Variants in MAPK8IP3 observed in about 807,000 individuals in gnomAD.
The protein encoded by MAPK8IP3 is C-Jun-amino-terminal kinase-interacting protein 3.
MAPK8IP3 carries 49 observed loss-of-function variants against 157.8 expected under a neutral mutation model. The ratio of observed to expected loss-of-function variants is 0.31; its 90% CI spans 0.25 to 0.39. The LOEUF is 0.39. MAPK8IP3 is among the 10% of genes least tolerant of loss of function. The pLI is 1.00. For missense variants in MAPK8IP3, 1,478 were observed against 1,889.4 expected, an observed-to-expected ratio of 0.78 and a Z score of 4.04; for synonymous variants, 897 against 777.7, an observed-to-expected ratio of 1.15 and a Z score of -2.55.
intron 2 of MAPK8IP3, among the ~76,000 whole-genome samples, chr16:1,726,468 A>G (rs1567148965): frequency 6.6e-6 from 1 of 152,128 alleles, no homozygotes; most frequent in Non-Finnish European, 1.5e-5. Flanking sequence ...TGAGCTCAAG[A>G]GTTCAAGACC....
At position 1,766,789 on chromosome 16, in the gene MAPK8IP3, T is replaced by C; in HGVS notation, c.3006T>C (p.Ser1002=). The change falls in exon 24 of 32, where the codon TCT becomes TCC. Residue 1002 remains serine, a synonymous_variant. Coordinates refer to ENST00000610761, the MANE Select transcript of MAPK8IP3 (RefSeq NM_001318852.2). Reference sequence around the variant, plus strand: ...TGCACTCCATCAAGCTGAAGGATTCTGTGCTGAGCCTGGTGTGGGTGACCC... The same window carrying C: ...TGCACTCCATCAAGCTGAAGGATTCCGTGCTGAGCCTGGTGTGGGTGACCC... ...KCLHSIKLKD[S]VLSLVHVKGR... is the part of the protein sequence containing the mutation. The C allele has an allele frequency of 6.2e-7, 1 of 1,612,788 alleles. No individual in the cohort carries two copies. Among genetic ancestry groups the C allele is most frequent in the Non-Finnish European group, 8.5e-7 (1 of 1,179,934 alleles).
At chr16:1,735,930 G>A (rs560172618) in intron 4 of MAPK8IP3, among the ~76,000 whole-genome samples, 27 of 142,228 alleles carry the variant, frequency 1.9e-4, no homozygotes, top group Admixed American at 1.8e-3. Flanking sequence ...GTGAGCATCC[G>A]TGTGACCGTC....
intron 1 of MAPK8IP3, among the ~76,000 whole-genome samples, chr16:1,716,219 A>G (rs535262682): frequency 1.3e-5 from 2 of 152,210 alleles, no homozygotes; most frequent in East Asian, 1.9e-4. Flanking sequence ...TTGTTTACAT[A>G]TAAAAGGAAG....
intron 4 of MAPK8IP3, among the ~76,000 whole-genome samples, chr16:1,736,971 ACCGTCC>A (rs2039966460): frequency 1.5e-5 from 1 of 67,562 alleles, no homozygotes; most frequent in Non-Finnish European, 2.7e-5. Flanking sequence ...CGTCCGTGTG[ACCGTCC>A]GTGTGAGCAT....
chr16:1,768,679 G>A (rs2072989), intron 31 of MAPK8IP3, 24 bp from the exon 32 acceptor site: 4 of 1,611,682 alleles, frequency 2.5e-6, no homozygotes, highest in South Asian at 2.2e-5. Context: ...GAGCCTGGCC[G>A]TCACTCTGCT....
Position 1,706,311 on chromosome 16 carries a change from G to T in MAPK8IP3, c.-29G>T. On this transcript the variant is annotated 5_prime_UTR_variant, in exon 1 of 32. Coordinates refer to ENST00000610761, the MANE Select transcript of MAPK8IP3 (RefSeq NM_001318852.2). The surrounding 1 kb of genome is among the most constrained non-coding windows in gnomAD (Gnocchi z 5.1). ...GGGCCGGGCGCGCCGGCCGGATAGC[G>T]AGCCGCGCTGGCGGCGGCGGTGGCC... The T allele has an allele frequency of 1.3e-6, 2 of 1,520,910 alleles. No homozygotes were observed. The highest frequency in any genetic ancestry group is 1.2e-5 in the South Asian group (1 of 81,834). The allele number at this position is 1,520,910 out of a possible 1,614,324, so 94.2% of individuals were successfully genotyped here. A position where few individuals can be genotyped will look rare whatever the true frequency, so the allele number is the denominator to read the frequency against.
chr16:1,748,218 C>T, intron 6 of MAPK8IP3, 26 bp from the exon 7 acceptor site: 1 of 1,573,592 alleles, frequency 6.4e-7, no homozygotes. Flanking sequence ...TCTCCTGACC[C>T]CAGGTGCCCC....
chr16:1,754,822 A>G (rs1024392022), intron 8 of MAPK8IP3, among the ~76,000 whole-genome samples: 1 of 152,178 alleles, frequency 6.6e-6, no homozygotes, highest in African/African-American at 2.4e-5. Flanking sequence ...AAGCCTGTGT[A>G]AGATTCAGAA....
rs925364628 is a variant in MAPK8IP3 at position 1,741,554 on chromosome 16, C to A, written c.603-1778C>A. Among the ~76,000 whole-genome samples, 1 of 152,128 alleles carries A rather than the reference C, an allele frequency of 6.6e-6. No individual in the cohort carries two copies. Among genetic ancestry groups the A allele is most frequent in the African/African-American group, 2.4e-5 (1 of 41,408 alleles). On this transcript the variant is annotated intron_variant, in intron 4 of 31. Coordinates refer to ENST00000610761, the MANE Select transcript of MAPK8IP3 (RefSeq NM_001318852.2). This position sits in a 1 kb window ranked among gnomAD's most constrained non-coding sequence, Gnocchi z 6.9. ...ATCGGCTTCGGTCTAGGGACTGAGACGTGTCTGATGGCGTCAGAACTGGGC... is the reference window on the plus strand; with the variant it reads ...ATCGGCTTCGGTCTAGGGACTGAGAAGTGTCTGATGGCGTCAGAACTGGGC...
Position 1,729,227 on chromosome 16 carries a change from G to C in MAPK8IP3, c.510+19G>C. 1 of 1,613,542 alleles carries C rather than the reference G, an allele frequency of 6.2e-7. No individual in the cohort carries two copies. Among genetic ancestry groups the C allele is most frequent in the Non-Finnish European group, 8.5e-7 (1 of 1,179,898 alleles). ...CACAGAGGTGGGCGCCCAGAGGCAAGCGCGGAGACGAGGGTTGGAGACAGG... is the reference window on the plus strand; with the variant it reads ...CACAGAGGTGGGCGCCCAGAGGCAACCGCGGAGACGAGGGTTGGAGACAGG... On this transcript the variant is annotated intron_variant, in intron 3 of 31. Coordinates refer to ENST00000610761, the MANE Select transcript of MAPK8IP3 (RefSeq NM_001318852.2).
intron 6 of MAPK8IP3, among the ~76,000 whole-genome samples, 173 bp downstream of exon 6, chr16:1,747,448 G>A (rs780587070): frequency 2.6e-5 from 4 of 152,122 alleles, no homozygotes; most frequent in African/African-American, 4.8e-5. Flanking sequence ...TTCCTCCTGC[G>A]GCCACTCCTT....
At chr16:1,718,436 G>T (rs925082212) in intron 1 of MAPK8IP3, among the ~76,000 whole-genome samples, 1 of 149,246 alleles carries the variant, frequency 6.7e-6, no homozygotes, top group African/African-American at 2.5e-5. Flanking sequence ...CCCCCACCTC[G>T]GCCTCCTAAA....
intron 1 of MAPK8IP3, among the ~76,000 whole-genome samples, chr16:1,709,863 C>G (rs1482606222): frequency 1.3e-5 from 2 of 152,170 alleles, no homozygotes; most frequent in Non-Finnish European, 2.9e-5. Flanking sequence ...TATTAGTGGT[C>G]ATTATTTGCC....
chr16:1,757,168 T>C (rs1027737793), intron 8 of MAPK8IP3, among the ~76,000 whole-genome samples: 1 of 152,166 alleles, frequency 6.6e-6, no homozygotes, highest in Admixed American at 6.5e-5. Context: ...TGCAGTGGCG[T>C]GATCTCAGCT....
At chr16:1,750,848 G>T (rs1438411634) in intron 8 of MAPK8IP3, among the ~76,000 whole-genome samples, 1 of 151,762 alleles carries the variant, frequency 6.6e-6, no homozygotes, top group Non-Finnish European at 1.5e-5. Context: ...GTTTCACAGT[G>T]TTGGTCAGGC....
At chr16:1,740,849 G>A (rs537940220) in intron 4 of MAPK8IP3, among the ~76,000 whole-genome samples, 16 of 152,316 alleles carry the variant, frequency 1.1e-4, no homozygotes, top group African/African-American at 2.2e-4. Context: ...GTGAGAGGTC[G>A]GAAGGGCCAT....
Position 1,746,802 on chromosome 16 carries a change from C to T in MAPK8IP3, c.748-227C>T, listed in dbSNP as rs558243105. 14 of 574,978 alleles carry T rather than the reference C, an allele frequency of 2.4e-5. No homozygotes were observed. In the South Asian group the frequency reaches 3.3e-4, roughly 13 times the overall value. The allele number at this position is 574,978 out of a possible 1,614,324, so 35.6% of individuals were successfully genotyped here. A position where few individuals can be genotyped will look rare whatever the true frequency, so the allele number is the denominator to read the frequency against. ...TTCCAAGCCATTTCAGGAGGGTGGC[C>T]CTGCTTCCGAGGAGCCGGAGTCAGT... On this transcript the variant is annotated intron_variant, in intron 5 of 31. Coordinates refer to ENST00000610761, the MANE Select transcript of MAPK8IP3 (RefSeq NM_001318852.2).
At chr16:1,765,790 C>T (rs1169600491) in intron 20 of MAPK8IP3, among the ~76,000 whole-genome samples, 170 bp from the exon 21 acceptor site, 3 of 152,216 alleles carry the variant, frequency 2.0e-5, no homozygotes, top group Non-Finnish European at 2.9e-5. Context: ...AGTCCCAGAC[C>T]TCCAGGCAGA....
At chr16:1,747,994 G>A (rs1399169520) in intron 6 of MAPK8IP3, among the ~76,000 whole-genome samples, 1 of 152,232 alleles carries the variant, frequency 6.6e-6, no homozygotes, top group Non-Finnish European at 1.5e-5. Flanking sequence ...TGGGGACTGG[G>A]CTTACTGCTG....
Sources: gnomAD v4.1 joint callset for allele counts (sites outside exome capture counted in the v4.1 genomes callset) on GRCh38, gnomAD v4.1.1 for gene constraint, Gnocchi (gnomAD v3.1) non-coding constraint, MANE v1.5 for transcripts, NCBI Gene and HGNC (gene_info 2026-07-23, HGNC 2026-07-21) for gene names.